The following SATB2 variants were observed in gnomAD, a reference collection of about 807,000 sequenced individuals.
SATB2 encodes DNA-binding protein SATB2.
SATB2 carries 1 observed loss-of-function variant against 73.4 expected under a neutral mutation model. That is an observed-to-expected ratio of 0.01 (90% CI 0.00 to 0.06). The LOEUF is 0.06. SATB2 is among the 10% of genes least tolerant of loss of function. SATB2 has a pLI of 1.00. For synonymous variants in SATB2, 397 were observed against 367.0 expected (o/e 1.08, Z -0.93); for missense variants, 459 against 945.8 (o/e 0.49, Z 6.75).
At chr2:199,317,862 T>C (rs1687777874) in intron 9 of SATB2, among the ~76,000 whole-genome samples, 1 of 152,042 alleles carries the variant, frequency 6.6e-6, no homozygotes, top group South Asian at 2.1e-4. Flanking sequence ...ACCACTTAGT[T>C]TGGCATTTGG....
chr2:199,319,953 C>T (rs969476773), intron 9 of SATB2, among the ~76,000 whole-genome samples: 3 of 152,052 alleles, frequency 2.0e-5, no homozygotes, highest in East Asian at 1.9e-4. Context: ...CCCTGAGAGC[C>T]GCAGAAGATG....
chr2:199,404,542 T>C (rs1690576451), intron 3 of SATB2, among the ~76,000 whole-genome samples: 1 of 152,180 alleles, frequency 6.6e-6, no homozygotes, highest in Admixed American at 6.5e-5. Flanking sequence ...AGATTATTCA[T>C]TTACCATATA....
intron 7 of SATB2, among the ~76,000 whole-genome samples, chr2:199,339,187 C>G (rs544372249): frequency 6.6e-6 from 1 of 152,178 alleles, no homozygotes; most frequent in South Asian, 2.1e-4. Context: ...TATCAATCCA[C>G]GTTTTGTGGC....
chr2:199,400,027 T>C (rs1223094383), intron 3 of SATB2, among the ~76,000 whole-genome samples: 15 of 152,230 alleles, frequency 9.9e-5, no homozygotes, highest in Admixed American at 9.2e-4. Context: ...AAAACTCATA[T>C]TATCTTCCTC....
rs1236266312 is a variant in SATB2 at position 199,285,877 on chromosome 2, G to GTTT, written c.1741-13208_1741-13206dup. 3.5e-3 allele frequency among the ~76,000 whole-genome samples: 481 copies of GTTT among 136,268 alleles called. 6 individuals carry two copies. The highest frequency in any genetic ancestry group is 0.013 in the East Asian group (59 of 4,670). The allele number at this position is 136,268 out of a possible 152,430, so 89.4% of individuals were successfully genotyped here. ...GTTCAATTTCATCCAGCCTTAGTCT[G>GTTT]TTTTTTTTTTTTTTTTTTAAATATT... On this transcript the variant is annotated intron_variant, in intron 10 of 10. Transcript: ENST00000417098.
At chr2:199,323,508 C>CATACACAT (rs1553546899) in intron 9 of SATB2, among the ~76,000 whole-genome samples, 1 of 144,250 alleles carries the variant, frequency 6.9e-6, no homozygotes, top group Non-Finnish European at 1.5e-5. Context: ...CACACACACA[C>CATACACAT]ATATATAAAG....
chr2:199,364,465 T>G (rs1689227798), intron 6 of SATB2, among the ~76,000 whole-genome samples: 1 of 152,154 alleles, frequency 6.6e-6, no homozygotes, highest in Non-Finnish European at 1.5e-5. Flanking sequence ...AAAATCCTCT[T>G]TTCTCCCAGC....
intron 3 of SATB2, among the ~76,000 whole-genome samples, chr2:199,406,442 T>C (rs966174738): frequency 6.6e-6 from 1 of 152,184 alleles, no homozygotes; most frequent in Non-Finnish European, 1.5e-5. Flanking sequence ...CAGTGAAATA[T>C]CTAACTTTGT....
chr2:199,414,433 G>A (rs1216936803), intron 3 of SATB2, among the ~76,000 whole-genome samples: 1 of 152,058 alleles, frequency 6.6e-6, no homozygotes, highest in Non-Finnish European at 1.5e-5. Flanking sequence ...CCCCCACCAG[G>A]GCAATGCCCA....
intron 10 of SATB2, among the ~76,000 whole-genome samples, chr2:199,286,330 G>C (rs987877385): frequency 6.6e-6 from 1 of 152,192 alleles, no homozygotes; most frequent in Non-Finnish European, 1.5e-5. Flanking sequence ...ATGGACACAT[G>C]ATGTACCTAG....
At position 199,292,161 on chromosome 2, in the gene SATB2, G is replaced by A. The variant is rs571157263; in HGVS notation, c.1740+16599C>T. ...CAATGGGTATTAAATAATCATCTCTGAATAAACTCTACAAATCAATATGGT... is the reference window on the plus strand; with the variant it reads ...CAATGGGTATTAAATAATCATCTCTAAATAAACTCTACAAATCAATATGGT... On this transcript the variant is annotated intron_variant, in intron 10 of 10. Transcript: ENST00000417098. 2.6e-5 allele frequency among the ~76,000 whole-genome samples: 4 copies of A among 152,202 alleles called. No individual in the cohort carries two copies. The East Asian group carries it at 7.7e-4, about 29-fold the overall frequency.
chr2:199,441,427 T>A (rs949425971), intron 2 of SATB2, among the ~76,000 whole-genome samples: 13 of 152,284 alleles, frequency 8.5e-5, no homozygotes, highest in African/African-American at 2.4e-4. Flanking sequence ...TAATATTCAA[T>A]AACATTTAAT....
intron 2 of SATB2, among the ~76,000 whole-genome samples, chr2:199,451,396 T>C (rs1692119391): frequency 6.6e-6 from 1 of 151,522 alleles, no homozygotes. Context: ...CAGGCTAGAT[T>C]GTTGGATGAC....
chr2:199,362,589 A>G (rs1398113006), intron 6 of SATB2, among the ~76,000 whole-genome samples: 4 of 152,234 alleles, frequency 2.6e-5, no homozygotes, highest in Admixed American at 2.0e-4. Context: ...AGTGCTCACT[A>G]AACATTTAGT....
chr2:199,450,147 C>T lies in SATB2; in HGVS notation c.169+5722G>A, dbSNP rs375144051. Among the ~76,000 whole-genome samples, 9 of 152,062 alleles carry T rather than the reference C, an allele frequency of 5.9e-5. No individual in the cohort carries two copies. The South Asian group carries it at 8.3e-4, about 14-fold the overall frequency. ...AAGAGACTTTGGGCTGCTAATTTTC[C>T]GTTCACAAAATCTAAATTCCCCTTA... On this transcript the variant is annotated intron_variant, in intron 2 of 10. Transcript: ENST00000417098.
Position 199,455,261 on chromosome 2 carries a change from C to T in SATB2, c.169+608G>A, listed in dbSNP as rs1692239370. 6.6e-6 allele frequency among the ~76,000 whole-genome samples: 1 copy of T among 152,172 alleles called. No homozygotes were observed. Among genetic ancestry groups the T allele is most frequent in the Non-Finnish European group, 1.5e-5 (1 of 68,038 alleles). Reference sequence around the variant, plus strand: ...CTACTTTGCTATTTTTATCTGTTCTCCTATAATTCATAATAAAGTTACGAA... The same window carrying T: ...CTACTTTGCTATTTTTATCTGTTCTTCTATAATTCATAATAAAGTTACGAA... On this transcript the variant is annotated intron_variant, in intron 2 of 10. Coordinates refer to ENST00000417098, the MANE Select transcript of SATB2 (RefSeq NM_001172509.2). The surrounding 1 kb of genome is among the most constrained non-coding windows in gnomAD (Gnocchi z 4.1).
chr2:199,429,893 G>C (rs1289753337), intron 3 of SATB2, among the ~76,000 whole-genome samples: 2 of 152,216 alleles, frequency 1.3e-5, no homozygotes, highest in Non-Finnish European at 2.9e-5. Flanking sequence ...CTGGGTGACA[G>C]AGCGAGACTC....
intron 2 of SATB2, among the ~76,000 whole-genome samples, chr2:199,442,018 G>A (rs1360301922): frequency 3.3e-5 from 5 of 152,314 alleles, no homozygotes; most frequent in Middle Eastern, 3.4e-3. Flanking sequence ...TCTAGTGGGT[G>A]TAGAGGAGAG....
chr2:199,312,858 C>T (rs555459026), intron 9 of SATB2, among the ~76,000 whole-genome samples: 1 of 152,162 alleles, frequency 6.6e-6, no homozygotes, highest in South Asian at 2.1e-4. Flanking sequence ...TCAGTCGAAA[C>T]ATGAGAAAAT....
Sources: allele counts gnomAD v4.1 joint callset (sites outside exome capture counted in the v4.1 genomes callset), GRCh38; gene constraint gnomAD v4.1.1; non-coding constraint Gnocchi (gnomAD v3.1); transcripts MANE v1.5; gene names NCBI Gene and HGNC (gene_info 2026-07-23, HGNC 2026-07-21).